The following TERB1 variants were observed in gnomAD, a reference collection of about 807,000 sequenced individuals.
The protein encoded by TERB1 is telomere repeats-binding bouquet formation protein 1.
A neutral mutation model predicts 92.3 loss-of-function variants in TERB1; 63 were observed. The observed-to-expected ratio is 0.68, with a 90% confidence interval of 0.56 to 0.84. The LOEUF (loss-of-function observed/expected upper bound fraction) is 0.84. TERB1 is among the 40% of genes least tolerant of loss of function. The pLI, the probability that TERB1 is intolerant of heterozygous loss-of-function variation, is 0.00. For missense variants in TERB1, 709 were observed against 843.7 expected, an observed-to-expected ratio of 0.84 and a Z score of 1.98; for synonymous variants, 252 against 283.9, an observed-to-expected ratio of 0.89 and a Z score of 1.13.
chr16:66,792,646 T>A (rs2018855404), intron 3 of TERB1, among the ~76,000 whole-genome samples: 1 of 152,192 alleles, frequency 6.6e-6, no homozygotes, highest in Non-Finnish European at 1.5e-5. Flanking sequence ...AAAAGCATCA[T>A]TAGTTGATTT....
At chr16:66,756,069 A>C (rs930532605) in intron 18 of TERB1, among the ~76,000 whole-genome samples, 13 of 152,212 alleles carry the variant, frequency 8.5e-5, no homozygotes, top group African/African-American at 3.1e-4. Flanking sequence ...CTGTAAACAA[A>C]TATTTTCTGG....
chr16:66,775,846 G>C (rs2018539452), intron 11 of TERB1, among the ~76,000 whole-genome samples: 2 of 151,362 alleles, frequency 1.3e-5, no homozygotes, highest in Admixed American at 1.3e-4. Flanking sequence ...GAGTAGCTGG[G>C]ACTACAGGCA....
At chr16:66,774,185 CGTT>C (rs1176330014) in intron 12 of TERB1, among the ~76,000 whole-genome samples, 1 of 79,936 alleles carries the variant, frequency 1.3e-5, no homozygotes, top group Non-Finnish European at 2.3e-5. Context: ...CCAGCCCAAA[CGTT>C]TTTTTTTTTT....
chr16:66,779,079 A>G, intron 9 of TERB1, 64 bp from the exon 10 acceptor site: 1 of 1,195,948 alleles, frequency 8.4e-7, no homozygotes, highest in Non-Finnish European at 1.1e-6. Flanking sequence ...GTTTTATTCA[A>G]TAAATCTGCA....
At chr16:66,762,320 T>C (rs2018265546) in intron 16 of TERB1, among the ~76,000 whole-genome samples, 1 of 152,232 alleles carries the variant, frequency 6.6e-6, no homozygotes, top group South Asian at 2.1e-4. Flanking sequence ...GGAATTTACA[T>C]TAAAGTATCA....
intron 18 of TERB1, among the ~76,000 whole-genome samples, chr16:66,756,892 T>A (rs184763302): frequency 6.6e-6 from 1 of 152,210 alleles, no homozygotes; most frequent in East Asian, 1.9e-4. Flanking sequence ...CAAGGGAAAA[T>A]GGGCAAGAGG....
intron 15 of TERB1, among the ~76,000 whole-genome samples, chr16:66,767,788 C>CA (rs2018375386): frequency 6.6e-6 from 1 of 151,912 alleles, no homozygotes; most frequent in African/African-American, 2.4e-5. Context: ...AGTGCAGTGG[C>CA]ATGATCTCGG....
In TERB1 at chr16:66,755,148, C is replaced by T. The variant is rs78216962; in HGVS notation, c.2012G>A (p.Arg671His). The T allele has an allele frequency of 3.4e-5, 52 of 1,532,450 alleles. No homozygotes were observed. The highest frequency in any genetic ancestry group is 1.8e-4 in the Admixed American group (9 of 50,398). The allele number at this position is 1,532,450 out of a possible 1,614,324, so 94.9% of individuals were successfully genotyped here. ...TPGGIKKRRIRKNFTEEEVNY... is the reference protein window; with the variant it reads ...TPGGIKKRRIHKNFTEEEVNY... ...TACTTCTTCTTCAGTAAAGTTTTTG[C>T]GAATTCTTCTTTTTTCTATAATTAG... Residue 671 changes from arginine to histidine, a missense_variant, in exon 19 of 19, where the codon CGC (arginine) becomes CAC (histidine). Arg to His is a conservative substitution (Grantham distance 29, BLOSUM62 0). Transcript: ENST00000433154.
At chr16:66,800,391 A>ATTT (rs1959239416) in intron 2 of TERB1, among the ~76,000 whole-genome samples, 6 of 117,832 alleles carry the variant, frequency 5.1e-5, no homozygotes, top group Admixed American at 9.3e-5. Context: ...AAATAAAGAA[A>ATTT]GTTTTTTTTT....
chr16:66,786,921 C>G (rs1035134789), intron 6 of TERB1, among the ~76,000 whole-genome samples: 1 of 152,218 alleles, frequency 6.6e-6, no homozygotes, highest in Admixed American at 6.5e-5. Context: ...CCTACAACCA[C>G]CCAGACTTCC....
At chr16:66,788,456 A>G (rs941518800) in intron 5 of TERB1, among the ~76,000 whole-genome samples, 159 bp from the exon 6 acceptor site, 1 of 152,224 alleles carries the variant, frequency 6.6e-6, no homozygotes, top group Non-Finnish European at 1.5e-5. Context: ...TGACAAACTG[A>G]TATGCGCTTA....
rs2018552501 is a variant in TERB1, at chr16:66,776,577, G to C, written c.985+626C>G. ...GAAAGAGTGGAAGAAGCAAGAGAGAGCAAAGGGAGGAGAGTGGAAAAGTGA... is the reference window on the plus strand; with the variant it reads ...GAAAGAGTGGAAGAAGCAAGAGAGACCAAAGGGAGGAGAGTGGAAAAGTGA... On this transcript the variant is annotated intron_variant, in intron 11 of 18. Coordinates refer to ENST00000433154, the MANE Select transcript of TERB1 (RefSeq NM_001136505.2). Among the ~76,000 whole-genome samples, 4 of 151,814 alleles carry C rather than the reference G, an allele frequency of 2.6e-5. No homozygotes were observed. In the South Asian group the frequency reaches 8.3e-4, roughly 31 times the overall value.
At position 66,790,697 on chromosome 16, in the gene TERB1, T is replaced by G; in HGVS notation, c.169A>C (p.Ile57Leu). ...NSNASVYFRE[I>L]GGLMFVKNLA... Reference sequence around the variant, plus strand: ...TTTTTTACAAACATCAAACCACCAATTTCCCGAAAATAAACACTTGCATTA... The same window carrying G: ...TTTTTTACAAACATCAAACCACCAAGTTCCCGAAAATAAACACTTGCATTA... The change falls in exon 5 of 19, where the codon ATT (isoleucine) becomes CTT (leucine). Residue 57 changes from isoleucine (I) to leucine (L), a missense_variant. By Grantham distance (5) the Ile-to-Leu change is conservative. Coordinates refer to ENST00000433154, the MANE Select transcript of TERB1 (RefSeq NM_001136505.2). 2 of 1,551,042 alleles carry G rather than the reference T, an allele frequency of 1.3e-6. No individual in the cohort carries two copies. Among genetic ancestry groups the G allele is most frequent in the Non-Finnish European group, 1.7e-6 (2 of 1,146,664 alleles).
At position 66,770,101 on chromosome 16, in the gene TERB1, G is replaced by A. The variant is rs368719365; in HGVS notation, c.1481C>T (p.Pro494Leu). The change falls in exon 14 of 19, where the codon CCG becomes CTG. Residue 494 changes from proline (P) to leucine (L), a missense_variant. Pro to Leu is a moderately conservative substitution (Grantham distance 98). Transcript: ENST00000433154. ...ACTNDDQMKTPLKSANPVHAC... is the reference protein window; with the variant it reads ...ACTNDDQMKTLLKSANPVHAC... The stretch of plus-strand genomic sequence containing the variant: ...ATGGACTGGATTTGCGCTCTTTAAC[G>A]GTGTCTTCATTTGGTCATCATTTGT... The A allele has an allele frequency of 2.1e-5, 32 of 1,551,864 alleles. 2 individuals are homozygous for A. The Admixed American group carries it at 2.2e-4, about 10-fold the overall frequency.
chr16:66,788,015 C>G (rs1230286922), intron 6 of TERB1, among the ~76,000 whole-genome samples, 154 bp downstream of exon 6: 3 of 152,190 alleles, frequency 2.0e-5, no homozygotes, highest in Admixed American at 2.0e-4. Context: ...AAGCCAAGAT[C>G]ATGCCACTGC....
chr16:66,765,650 G>T (rs1397375212), intron 16 of TERB1, among the ~76,000 whole-genome samples: 2 of 151,272 alleles, frequency 1.3e-5, no homozygotes, highest in African/African-American at 4.9e-5. Flanking sequence ...TAGAGACGGG[G>T]TTTCACCGTG....
intron 5 of TERB1, among the ~76,000 whole-genome samples, chr16:66,789,990 C>T (rs994991265): frequency 1.3e-5 from 2 of 151,940 alleles, no homozygotes; most frequent in African/African-American, 4.8e-5. Flanking sequence ...GGATTATAGG[C>T]GTGAGCCACC....
chr16:66,769,824 T>G, intron 14 of TERB1, 139 bp downstream of exon 14: 1 of 674,726 alleles, frequency 1.5e-6, no homozygotes, highest in Non-Finnish European at 2.5e-6. Context: ...TTCCCAACAC[T>G]TCCTACTTTA....
intron 9 of TERB1, among the ~76,000 whole-genome samples, chr16:66,782,564 A>G (rs1284059815): frequency 6.6e-6 from 1 of 151,990 alleles, no homozygotes; most frequent in Admixed American, 6.6e-5. Flanking sequence ...AAAAAAAAAA[A>G]AAAGAATCTG....
Sources: allele counts gnomAD v4.1 joint callset (sites outside exome capture counted in the v4.1 genomes callset), GRCh38; gene constraint gnomAD v4.1.1; transcripts MANE v1.5; gene names NCBI Gene and HGNC (gene_info 2026-07-23, HGNC 2026-07-21).